CNTNAP5: variants seen among roughly 807,000 people sequenced by gnomAD.
CNTNAP5 encodes the protein contactin associated protein family member 5.
Under a neutral mutation model 150.2 loss-of-function variants are expected in CNTNAP5, and 72 were observed. The observed-to-expected ratio is 0.48, with a 90% CI of 0.40 to 0.58. CNTNAP5 has a LOEUF of 0.58. Among genes scored for constraint, CNTNAP5 ranks in the 20% least tolerant of loss-of-function variants. The pLI is 0.00. For missense variants in CNTNAP5, 1,636 were observed against 1,626.2 expected, an observed-to-expected ratio of 1.01 and a Z score of -0.10; for synonymous variants, 672 against 619.8, an observed-to-expected ratio of 1.08 and a Z score of -1.25.
intron 19 of CNTNAP5, among the ~76,000 whole-genome samples, chr2:124,858,609 A>T (rs1345989116): frequency 1.3e-5 from 2 of 152,252 alleles, no homozygotes; most frequent in Non-Finnish European, 2.9e-5. Flanking sequence ...ATATCGTGAA[A>T]ATCAAGTTAA....
chr2:124,227,046 G>T (rs949137664), intron 2 of CNTNAP5, among the ~76,000 whole-genome samples: 1 of 152,076 alleles, frequency 6.6e-6, no homozygotes, highest in Non-Finnish European at 1.5e-5. Context: ...CTGCCACATT[G>T]GGGATTAAGT....
Position 124,025,668 on chromosome 2 carries a change from G to C in CNTNAP5, c.18G>C (p.Arg6=), listed in dbSNP as rs776661191. The C allele has an allele frequency of 5.6e-6, 9 of 1,613,760 alleles. No individual in the cohort carries two copies. Among genetic ancestry groups the C allele is most frequent in the Non-Finnish European group, 7.6e-6 (9 of 1,179,874 alleles). The change falls in exon 1 of 24, where the codon CGG becomes CGC. Residue 6 remains arginine (R), a synonymous_variant. Coordinates refer to ENST00000682447, the MANE Select transcript of CNTNAP5 (RefSeq NM_001367498.1). MDSLP[R]LTSVLTLLFS... ...CGGGGGAAATGGATTCTTTACCACG[G>C]CTGACCAGCGTTTTGACTTTGCTGT... is the stretch of plus-strand genomic sequence containing the variant.
chr2:124,519,621 T>A, intron 8 of CNTNAP5, among the ~76,000 whole-genome samples: 1 of 152,232 alleles, frequency 6.6e-6, no homozygotes, highest in East Asian at 1.9e-4. Context: ...GCAATCAACT[T>A]GACCTCCAGG....
Position 124,865,529 on chromosome 2 carries a change from A to G in CNTNAP5, c.3348+93A>G. 5.1e-6 allele frequency: 6 copies of G among 1,165,384 alleles called. No individual in the cohort carries two copies. In the South Asian group the frequency reaches 8.8e-5, roughly 17 times the overall value. 72.2% of individuals were successfully genotyped at this position (1,165,384 alleles called of 1,614,324 possible). On this transcript the variant is annotated intron_variant, in intron 20 of 23. Transcript: ENST00000682447. ...TCTACCCCATGCCAGTGTAGTGCCT[A>G]GTGCTGGAAACATAGTTACAAATCA...
intron 12 of CNTNAP5, among the ~76,000 whole-genome samples, chr2:124,620,630 T>G (rs1181537739): frequency 6.6e-6 from 1 of 152,016 alleles, no homozygotes; most frequent in African/African-American, 2.4e-5. Flanking sequence ...GGATAAATCA[T>G]CTAACATTTC....
rs183142505 is a variant in CNTNAP5, at chr2:124,918,455, T to C, written c.*4167T>C. On this transcript the variant is annotated 3_prime_UTR_variant, in exon 24 of 24. Transcript: ENST00000682447. ...TGAGTGTTTCCTGTCTTGAAGGTCA[T>C]ACTTGCTCCCTCTCTGCAGGAAGTT... Among the ~76,000 whole-genome samples the C allele has an allele frequency of 6.6e-6, 1 of 152,200 alleles. No homozygotes were observed. The highest frequency in any genetic ancestry group is 1.5e-5 in the Non-Finnish European group (1 of 67,980).
chr2:124,129,327 A>G (rs1369220190), intron 1 of CNTNAP5, among the ~76,000 whole-genome samples: 1 of 152,176 alleles, frequency 6.6e-6, no homozygotes, highest in Non-Finnish European at 1.5e-5. Flanking sequence ...ACAGTTCTCT[A>G]AAGCCAGTGG....
intron 3 of CNTNAP5, among the ~76,000 whole-genome samples, chr2:124,333,203 A>T (rs1295758434): frequency 1.3e-5 from 2 of 152,110 alleles, no homozygotes; most frequent in African/African-American, 2.4e-5. Flanking sequence ...TGGGAAGTTG[A>T]AGCTATAGTG....
intron 12 of CNTNAP5, among the ~76,000 whole-genome samples, chr2:124,642,314 T>G (rs2105021393): frequency 6.6e-6 from 1 of 152,338 alleles, no homozygotes; most frequent in East Asian, 1.9e-4. Context: ...TGTATGTGTG[T>G]GTTTTGATCT....
At chr2:124,366,460 G>T (rs1259863665) in intron 3 of CNTNAP5, among the ~76,000 whole-genome samples, 1 of 152,180 alleles carries the variant, frequency 6.6e-6, no homozygotes, top group African/African-American at 2.4e-5. Flanking sequence ...CCCAAGACTA[G>T]CAGTGGCCAC....
intron 16 of CNTNAP5, among the ~76,000 whole-genome samples, chr2:124,770,104 G>A (rs1285677685): frequency 6.6e-6 from 1 of 152,108 alleles, no homozygotes; most frequent in Non-Finnish European, 1.5e-5. Flanking sequence ...GACTTTGCAA[G>A]GACCCTAATA....
intron 3 of CNTNAP5, among the ~76,000 whole-genome samples, chr2:124,334,107 G>A (rs921486185): frequency 8.5e-5 from 13 of 152,106 alleles, no homozygotes; most frequent in Non-Finnish European, 1.5e-5. Flanking sequence ...GCTCCATGAG[G>A]AAGGCTGAGG....
At chr2:124,510,600 G>T (rs1694565432) in intron 8 of CNTNAP5, among the ~76,000 whole-genome samples, 1 of 147,116 alleles carries the variant, frequency 6.8e-6, no homozygotes, top group South Asian at 2.1e-4. Flanking sequence ...TCTTTTTTTG[G>T]TGCTCAGTAC....
rs373058165 is a variant in CNTNAP5, at chr2:124,046,499, C to T, written c.82+20767C>T. ...GAATTTGCAAGGCTCTGAATAGCCA[C>T]CTGACAACAGCCGCCTCCTGCTGAG... On this transcript the variant is annotated intron_variant, in intron 1 of 23. Transcript: ENST00000682447. 1.9e-4 allele frequency among the ~76,000 whole-genome samples: 28 copies of T among 151,080 alleles called. 2 individuals are homozygous for T. In the South Asian group the frequency reaches 5.9e-3, roughly 32 times the overall value.
chr2:124,856,142 G>T (rs964076643), intron 19 of CNTNAP5, among the ~76,000 whole-genome samples: 3 of 151,078 alleles, frequency 2.0e-5, no homozygotes, highest in Non-Finnish European at 3.0e-5. Flanking sequence ...TGTGTGTGGG[G>T]GTGTGTGTAT....
chr2:124,090,905 T>C (rs2104685885), intron 1 of CNTNAP5, among the ~76,000 whole-genome samples: 1 of 152,326 alleles, frequency 6.6e-6, no homozygotes, highest in East Asian at 1.9e-4. Flanking sequence ...AAACCTGTGC[T>C]CTGTTCAATA....
At chr2:124,665,310 T>A (rs1050864449) in intron 13 of CNTNAP5, among the ~76,000 whole-genome samples, 9 of 152,210 alleles carry the variant, frequency 5.9e-5, no homozygotes, top group African/African-American at 2.2e-4. Flanking sequence ...TATTTATAGA[T>A]CCTCATGTAA....
chr2:124,539,765 C>T (rs1178559661), intron 10 of CNTNAP5, among the ~76,000 whole-genome samples: 1 of 152,168 alleles, frequency 6.6e-6, no homozygotes, highest in Non-Finnish European at 1.5e-5. Flanking sequence ...TTAGAAAACC[C>T]ATACATAGGC....
chr2:124,480,034 G>T (rs1189539262), intron 7 of CNTNAP5, among the ~76,000 whole-genome samples: 1 of 152,140 alleles, frequency 6.6e-6, no homozygotes, highest in African/African-American at 2.4e-5. Flanking sequence ...TGACATATAA[G>T]CCAATATTTA....
Sources: allele counts gnomAD v4.1 joint callset (sites outside exome capture counted in the v4.1 genomes callset), GRCh38; gene constraint gnomAD v4.1.1; transcripts MANE v1.5; gene names NCBI Gene and HGNC (gene_info 2026-07-23, HGNC 2026-07-21).